Variants in MORN1 observed in about 807,000 individuals in gnomAD.
The protein encoded by MORN1 is MORN repeat-containing protein 1.
A neutral mutation model predicts 61.9 loss-of-function variants in MORN1; 67 were observed. That is an observed-to-expected ratio of 1.08 (90% CI 0.89 to 1.33). MORN1 has a LOEUF of 1.33. Among genes scored for constraint, MORN1 ranks in the 40% most tolerant of loss-of-function variants. The probability of loss-of-function intolerance (pLI) is 0.00; values close to 1 mark genes in which losing one functional copy is unlikely to be tolerated. For synonymous variants in MORN1, 301 were observed against 292.0 expected, an observed-to-expected ratio of 1.03 and a Z score of -0.31; for missense variants, 752 against 691.2, an observed-to-expected ratio of 1.09 and a Z score of -0.99.
intron 10 of MORN1, among the ~76,000 whole-genome samples, chr1:2,340,496 C>T (rs909921519): frequency 6.6e-6 from 1 of 152,344 alleles, no homozygotes; most frequent in Non-Finnish European, 1.5e-5. Context: ...TCGGATCCTC[C>T]TTGTGGGCAC....
chr1:2,322,999 A>G lies in MORN1; in HGVS notation c.1297+1098T>C, dbSNP rs1640916709. ...TGGCTTAGCCCCAAGTGGCCCCTGA[A>G]TCGGATCTCCCTTCGCTCCTCACCC... On this transcript the variant is annotated intron_variant, in intron 13 of 13. Transcript: ENST00000378531. 1.2e-5 allele frequency: 12 copies of G among 985,290 alleles called. No individual in the cohort carries two copies. The South Asian group carries it at 4.2e-4, about 35-fold the overall frequency. 61.0% of individuals were successfully genotyped at this position (985,290 alleles called of 1,614,324 possible). A position where few individuals can be genotyped will look rare whatever the true frequency, so the allele number is the denominator to read the frequency against.
At chr1:2,384,713 A>T (rs1204023069) in intron 6 of MORN1, among the ~76,000 whole-genome samples, 2 of 152,246 alleles carry the variant, frequency 1.3e-5, no homozygotes, top group Non-Finnish European at 2.9e-5. Context: ...GTCAAAAGTG[A>T]GAGCCGCCTG....
At chr1:2,364,063 TACACTTTA>T (rs1296941449) in intron 8 of MORN1, among the ~76,000 whole-genome samples, 1 of 152,104 alleles carries the variant, frequency 6.6e-6, no homozygotes, top group Non-Finnish European at 1.5e-5. Flanking sequence ...CTACAAAAAG[TACACTTTA>T]AAAACATAGG....
intron 8 of MORN1, among the ~76,000 whole-genome samples, chr1:2,370,881 G>T (rs1642103774): frequency 6.6e-6 from 1 of 151,652 alleles, no homozygotes; most frequent in Non-Finnish European, 1.5e-5. Context: ...TTAGGGATGG[G>T]GTCTCACTAT....
rs1289479655 is a variant in MORN1, at chr1:2,355,522, T to G, written c.1036+1910A>C. 6.5e-6 allele frequency: 10 copies of G among 1,543,798 alleles called. No homozygotes were observed. The Admixed American group carries it at 1.6e-4, about 24-fold the overall frequency. ...CTGGGGCTTCTAGCCACCAGCTGGG[T>G]GAGGTTTCTGGGGGCAGGGGCACGG... On this transcript the variant is annotated intron_variant, in intron 10 of 13. Transcript: ENST00000378531.
intron 13 of MORN1, chr1:2,323,679 T>C (rs1640933158): frequency 2.0e-6 from 2 of 985,174 alleles, no homozygotes; most frequent in Non-Finnish European, 2.4e-6. Flanking sequence ...GGGAGGAGCC[T>C]TCCGCCCAGC....
intron 10 of MORN1, among the ~76,000 whole-genome samples, chr1:2,353,090 A>G (rs539164774): frequency 1.3e-5 from 2 of 152,212 alleles, no homozygotes; most frequent in African/African-American, 2.4e-5. Context: ...AGAGGCTTCA[A>G]CGGGGCCCAC....
intron 8 of MORN1, among the ~76,000 whole-genome samples, chr1:2,368,254 G>A (rs1290062278): frequency 3.3e-5 from 5 of 152,254 alleles, no homozygotes; most frequent in Non-Finnish European, 5.9e-5. Flanking sequence ...CTTTGGCCAG[G>A]GAAGGATTTA....
chr1:2,323,401 G>C, intron 13 of MORN1: 1 of 985,400 alleles, frequency 1.0e-6, no homozygotes, highest in Non-Finnish European at 1.2e-6. Flanking sequence ...GACACCAGAC[G>C]AAGGGTCATT....
chr1:2,321,929 A>G (rs1356081197), intron 13 of MORN1: 2 of 786,196 alleles, frequency 2.5e-6, no homozygotes, highest in East Asian at 1.3e-4. Flanking sequence ...TGACCTGGCT[A>G]CAGGTCCCTG....
chr1:2,380,368 AG>A (rs1642344973), intron 6 of MORN1, among the ~76,000 whole-genome samples: 1 of 152,152 alleles, frequency 6.6e-6, no homozygotes, highest in African/African-American at 2.4e-5. Context: ...GGCCCAGCGC[AG>A]CGGCTCACGC....
At chr1:2,355,526 G>A (rs1196448300) in intron 10 of MORN1, 18 of 1,538,666 alleles carry the variant, frequency 1.2e-5, no homozygotes, top group Non-Finnish European at 1.5e-5. Flanking sequence ...GCTGGGTGAG[G>A]TTTCTGGGGG....
chr1:2,347,774 G>T (rs777446250), intron 10 of MORN1, among the ~76,000 whole-genome samples: 1 of 152,128 alleles, frequency 6.6e-6, no homozygotes, highest in Non-Finnish European at 1.5e-5. Flanking sequence ...CGCTGCCCCC[G>T]TCACCCCCCT....
rs201029076 is a variant in MORN1 at position 2,321,421 on chromosome 1, C to T, written c.1456G>A (p.Ala486Thr). 57 of 1,539,240 alleles carry T rather than the reference C, an allele frequency of 3.7e-5. No homozygotes were observed. Among genetic ancestry groups the T allele is most frequent in the African/African-American group, 9.7e-5 (7 of 72,414 alleles). ...GPEASSSWQA[A>T]HSCTPEPPAP... ...GGCGGCTCTGGGGTGCAGCTGTGGG[C>T]GGCCTGCCAGCTGCTTGAGGCTTCA... is the stretch of plus-strand genomic sequence containing the variant. Residue 486 changes from alanine to threonine, a missense_variant, in exon 14 of 14, where the codon GCC becomes ACC. By Grantham distance (58) the Ala-to-Thr change is moderately conservative (BLOSUM62 0). Transcript: ENST00000378531.
intron 13 of MORN1, chr1:2,322,784 A>C (rs1000904987): frequency 1.3e-5 from 13 of 985,316 alleles, no homozygotes; most frequent in Middle Eastern, 5.2e-4. Flanking sequence ...CCGAGAGCTC[A>C]GTGGGCAGTG....
At chr1:2,338,043 G>A (rs1267434955) in intron 10 of MORN1, among the ~76,000 whole-genome samples, 1 of 152,126 alleles carries the variant, frequency 6.6e-6, no homozygotes, top group Non-Finnish European at 1.5e-5. Flanking sequence ...CCCAGGAGGC[G>A]GGACCCTCAC....
Position 2,385,072 on chromosome 1 carries a change from G to T in MORN1, c.450-7C>A, listed in dbSNP as rs112633107. 4.4e-6 allele frequency: 7 copies of T among 1,584,536 alleles called. No individual in the cohort carries two copies. The African/African-American group carries it at 9.4e-5, about 21-fold the overall frequency. Reference sequence around the variant, plus strand: ...GTCGTACTTGTCACCGTTCCTGGGGGACACACGCACGGAGTCCACTCTCAA... The same window carrying T: ...GTCGTACTTGTCACCGTTCCTGGGGTACACACGCACGGAGTCCACTCTCAA... On this transcript the variant is annotated splice_region_variant and splice_polypyrimidine_tract_variant and intron_variant, in intron 5 of 13. Coordinates refer to ENST00000378531, the MANE Select transcript of MORN1 (RefSeq NM_024848.3).
intron 12 of MORN1, among the ~76,000 whole-genome samples, chr1:2,333,187 C>T (rs904164716): frequency 6.6e-6 from 1 of 152,222 alleles, no homozygotes; most frequent in African/African-American, 2.4e-5. Flanking sequence ...CCTGGAGATG[C>T]TCCTGGTGCG....
intron 10 of MORN1, among the ~76,000 whole-genome samples, chr1:2,345,914 G>A (rs1332255703): frequency 6.6e-6 from 1 of 152,076 alleles, no homozygotes; most frequent in Non-Finnish European, 1.5e-5. Flanking sequence ...AGGCCCATGG[G>A]TTCTATCTTG....
Sources: gnomAD v4.1 joint callset for allele counts (sites outside exome capture counted in the v4.1 genomes callset) on GRCh38, gnomAD v4.1.1 for gene constraint, MANE v1.5 for transcripts, NCBI Gene and HGNC (gene_info 2026-07-23, HGNC 2026-07-21) for gene names.